The following GPR107 variants were observed in gnomAD, a reference collection of about 807,000 sequenced individuals.
GPR107 encodes G protein-coupled receptor 107, also known as protein GPR107.
Under a neutral mutation model 75.5 loss-of-function variants are expected in GPR107, and 31 were observed. The ratio of observed to expected loss-of-function variants is 0.41; its 90% CI spans 0.31 to 0.55. GPR107 has a LOEUF of 0.55. GPR107 is among the 20% of genes least tolerant of loss of function. The pLI is 0.26. For synonymous variants in GPR107, 267 were observed against 251.3 expected, an observed-to-expected ratio of 1.06 and a Z score of -0.59; for missense variants, 572 against 665.7, an observed-to-expected ratio of 0.86 and a Z score of 1.55.
In GPR107 at chr9:130,060,415, T is replaced by G. The variant is rs1038791934; in HGVS notation, c.141+6342T>G. Among the ~76,000 whole-genome samples the G allele has an allele frequency of 2.7e-4, 39 of 147,050 alleles. 1 individual carries two copies. The highest frequency in any genetic ancestry group is 5.1e-4 in the Non-Finnish European group (34 of 66,764). On this transcript the variant is annotated intron_variant, in intron 1 of 17. Transcript: ENST00000347136. Reference sequence around the variant, plus strand: ...ATGATAATCCGAGTTTTTTTTTTTTTTTTTTTTTTTTGAGATAAGGTCTCA... The same window carrying G: ...ATGATAATCCGAGTTTTTTTTTTTTGTTTTTTTTTTTGAGATAAGGTCTCA...
intron 17 of GPR107, chr9:130,133,005 GGGCTTCCT>G (rs1831865551): frequency 6.6e-6 from 1 of 151,832 alleles, no homozygotes; most frequent in African/African-American, 2.4e-5. Context: ...ATCTCATGAC[GGGCTTCCT>G]GGCTTCCCCG....
chr9:130,104,528 G>A lies in GPR107; in HGVS notation c.1240G>A (p.Ala414Thr). Reference sequence around the variant, plus strand: ...TCTGGTCGACCTGTTGTGTTGTGGTGCCATCCTCTTCCCAGTGGTGTGGTG... The same window carrying A: ...TCTGGTCGACCTGTTGTGTTGTGGTACCATCCTCTTCCCAGTGGTGTGGTG... ...LFLVDLLCCG[A>T]ILFPVVWSIR... is the part of the protein sequence containing the mutation. The change falls in exon 13 of 18, where the codon GCC (alanine) becomes ACC (threonine). Residue 414 changes from alanine (A) to threonine (T), a missense_variant. Coordinates refer to ENST00000347136, the MANE Select transcript of GPR107 (RefSeq NM_020960.5). The A allele has an allele frequency of 6.2e-7, 1 of 1,613,884 alleles. No individual in the cohort carries two copies.
intron 14 of GPR107, among the ~76,000 whole-genome samples, chr9:130,122,427 G>A (rs1279723364): frequency 6.6e-6 from 1 of 152,164 alleles, no homozygotes; most frequent in East Asian, 1.9e-4. Context: ...ATCCCAGAGG[G>A]CGAAGGTTAA....
chr9:130,083,536 C>T (rs779616413), intron 5 of GPR107, 29 bp from the exon 6 acceptor site: 7 of 1,457,038 alleles, frequency 4.8e-6, no homozygotes, highest in Non-Finnish European at 6.4e-6. Flanking sequence ...AGTCATGCAG[C>T]ACTCTCTTTT....
chr9:130,086,560 T>C, intron 7 of GPR107, 84 bp downstream of exon 7: 1 of 815,746 alleles, frequency 1.2e-6, no homozygotes, highest in South Asian at 1.4e-5. Flanking sequence ...AATTTTGAAT[T>C]TAGGAATAAC....
intron 17 of GPR107, 22 bp downstream of exon 17, chr9:130,128,783 T>G: frequency 6.2e-7 from 1 of 1,611,772 alleles, no homozygotes; most frequent in Non-Finnish European, 8.5e-7. Context: ...TTCTTCCCTC[T>G]TCCTTAGCCC....
In GPR107 at chr9:130,133,897, T is replaced by C. The variant is rs148823491; in HGVS notation, c.1563-1128T>C. 3.9e-5 allele frequency among the ~76,000 whole-genome samples: 6 copies of C among 152,276 alleles called. No individual in the cohort carries two copies. The East Asian group carries it at 9.6e-4, about 24-fold the overall frequency. On this transcript the variant is annotated intron_variant, in intron 17 of 17. Coordinates refer to ENST00000347136, the MANE Select transcript of GPR107 (RefSeq NM_020960.5). ...AGATGAAGAAGAGGGGGAAGTTTTC[T>C]TCCCTTACCCCATACAAACATTTAC...
At chr9:130,057,561 ATAC>A (rs1829823961) in intron 1 of GPR107, among the ~76,000 whole-genome samples, 1 of 151,712 alleles carries the variant, frequency 6.6e-6, no homozygotes, top group Non-Finnish European at 1.5e-5. Context: ...AATTTCCAAT[ATAC>A]TAAAGCAGAT....
intron 14 of GPR107, among the ~76,000 whole-genome samples, chr9:130,123,355 C>T (rs1162686951): frequency 1.3e-5 from 2 of 152,078 alleles, no homozygotes; most frequent in Non-Finnish European, 2.9e-5. Flanking sequence ...AGGCGCCCAC[C>T]ACCATGTCTG....
At chr9:130,128,941 T>C in intron 17 of GPR107, 180 bp downstream of exon 17, 4 of 579,278 alleles carry the variant, frequency 6.9e-6, no homozygotes, top group Non-Finnish European at 1.2e-5. Context: ...TGAAGTACAG[T>C]ATCTGCCAAA....
Position 130,135,153 on chromosome 9 carries a change from G to C in GPR107, c.*32G>C, listed in dbSNP as rs782706188. 8.2e-7 allele frequency: 1 copy of C among 1,226,122 alleles called. No individual in the cohort carries two copies. The highest frequency in any genetic ancestry group is 1.2e-6 in the Non-Finnish European group (1 of 849,090). The allele number at this position is 1,226,122 out of a possible 1,614,324, so 76.0% of individuals were successfully genotyped here. A position where few individuals can be genotyped will look rare whatever the true frequency, so the allele number is the denominator to read the frequency against. On this transcript the variant is annotated 3_prime_UTR_variant, in exon 18 of 18. Coordinates refer to ENST00000347136, the MANE Select transcript of GPR107 (RefSeq NM_020960.5). ...CGACCCTGAGGATGGCACTGTCCAA[G>C]GAAACTGTTAACTTATTCATAGTCC... is the stretch of plus-strand genomic sequence containing the variant.
In GPR107 at chr9:130,112,357, A is replaced by G. The variant is rs180808512; in HGVS notation, c.1306+4818A>G. 2.3e-4 allele frequency among the ~76,000 whole-genome samples: 35 copies of G among 152,222 alleles called. No individual in the cohort carries two copies. The highest frequency in any genetic ancestry group is 3.4e-3 in the Middle Eastern group (1 of 294). ...CAAGGGGGTCCTCGGGATCAAAACT[A>G]TTTTCATAATCATACGGTGTGAGTC... On this transcript the variant is annotated intron_variant, in intron 14 of 17. Coordinates refer to ENST00000347136, the MANE Select transcript of GPR107 (RefSeq NM_020960.5). The surrounding 1 kb of genome is among the most constrained non-coding windows in gnomAD (Gnocchi z 4.0).
At chr9:130,055,140 G>T (rs766356015) in intron 1 of GPR107, among the ~76,000 whole-genome samples, 20 of 152,096 alleles carry the variant, frequency 1.3e-4, no homozygotes, top group Non-Finnish European at 2.6e-4. Flanking sequence ...CCAAACTCTT[G>T]TACATTATTT....
At chr9:130,115,408 A>G (rs902045257) in intron 14 of GPR107, among the ~76,000 whole-genome samples, 4 of 151,392 alleles carry the variant, frequency 2.6e-5, no homozygotes, top group Admixed American at 6.6e-5. Context: ...TCTCTTTTCT[A>G]TCACTTCCAC....
intron 2 of GPR107, 26 bp downstream of exon 2, chr9:130,075,775 G>A (rs1830330836): frequency 8.9e-7 from 1 of 1,121,586 alleles, no homozygotes. Flanking sequence ...TGAGATCCAG[G>A]GGTTTACTCT....
At chr9:130,096,001 C>T (rs891218551) in intron 9 of GPR107, among the ~76,000 whole-genome samples, 1 of 151,694 alleles carries the variant, frequency 6.6e-6, no homozygotes, top group African/African-American at 2.4e-5. Context: ...AGACCTGGGA[C>T]TGGAACTCGG....
chr9:130,130,368 G>A (rs1831791420), intron 17 of GPR107, among the ~76,000 whole-genome samples: 1 of 152,220 alleles, frequency 6.6e-6, no homozygotes, highest in Non-Finnish European at 1.5e-5. Flanking sequence ...AATGTTTGGT[G>A]TGGGTTCCTG....
chr9:130,106,972 T>G (rs1197545502), intron 13 of GPR107, among the ~76,000 whole-genome samples: 1 of 152,146 alleles, frequency 6.6e-6, no homozygotes, highest in Non-Finnish European at 1.5e-5. Flanking sequence ...TGATGGTCAT[T>G]AGGTACCAGC....
chr9:130,054,318 C>G (rs1188722607), intron 1 of GPR107, among the ~76,000 whole-genome samples: 1 of 152,182 alleles, frequency 6.6e-6, no homozygotes, highest in East Asian at 1.9e-4. Context: ...TGAACTGTGG[C>G]GTTGCCCCCA....
Sources: gnomAD v4.1 joint callset for allele counts (sites outside exome capture counted in the v4.1 genomes callset) on GRCh38, gnomAD v4.1.1 for gene constraint, Gnocchi (gnomAD v3.1) non-coding constraint, MANE v1.5 for transcripts, NCBI Gene and HGNC (gene_info 2026-07-23, HGNC 2026-07-21) for gene names.